Variants in DLG2 observed in about 807,000 individuals in gnomAD.
The protein encoded by DLG2 is discs large MAGUK scaffold protein 2.
A neutral mutation model predicts 132.5 loss-of-function variants in DLG2; 45 were observed. That is an observed-to-expected ratio of 0.34 (90% CI 0.27 to 0.44). DLG2 has a LOEUF of 0.44. DLG2 is among the 20% of genes least tolerant of loss of function. The pLI is 1.00. For synonymous variants in DLG2, 424 were observed against 419.6 expected, an observed-to-expected ratio of 1.01 and a Z score of -0.13; for missense variants, 1,045 against 1,196.9, an observed-to-expected ratio of 0.87 and a Z score of 1.87.
At chr11:84,126,865 G>A (rs1401372760) in intron 9 of DLG2, among the ~76,000 whole-genome samples, 1 of 152,090 alleles carries the variant, frequency 6.6e-6, no homozygotes, top group African/African-American at 2.4e-5. Flanking sequence ...GTTAACTTTT[G>A]TATTTACAAT....
At position 85,466,013 on chromosome 11, in the gene DLG2, T is replaced by C. The variant is rs868582832; in HGVS notation, c.40+132644A>G. On this transcript the variant is annotated intron_variant, in intron 3 of 27. Coordinates refer to ENST00000376104, the MANE Select transcript of DLG2 (RefSeq NM_001142699.3). ...GATTGCCATTCTAACTGGCGTGAGA[T>C]GGTATCTCATTGTGGTTTTGATTTG... Among the ~76,000 whole-genome samples the C allele has an allele frequency of 2.0e-5, 3 of 152,168 alleles. No homozygotes were observed. The South Asian group carries it at 6.2e-4, about 32-fold the overall frequency.
chr11:84,122,533 C>G (rs2093977552), intron 9 of DLG2, among the ~76,000 whole-genome samples: 1 of 152,058 alleles, frequency 6.6e-6, no homozygotes. Context: ...TCTCAATCTA[C>G]TGCACACCAG....
intron 6 of DLG2, among the ~76,000 whole-genome samples, chr11:85,054,839 A>G (rs1388405748): frequency 2.0e-5 from 3 of 152,160 alleles, no homozygotes; most frequent in African/African-American, 4.8e-5. Context: ...AAAAATGCCA[A>G]TAATAGACAC....
intron 7 of DLG2, among the ~76,000 whole-genome samples, chr11:84,501,778 T>G (rs1218169303): frequency 6.6e-6 from 1 of 152,178 alleles, no homozygotes; most frequent in Admixed American, 6.5e-5. Flanking sequence ...TTATCTTCAA[T>G]GGTATGATAT....
chr11:84,899,163 C>T (rs534469573), intron 6 of DLG2, among the ~76,000 whole-genome samples: 1 of 152,096 alleles, frequency 6.6e-6, no homozygotes, highest in East Asian at 1.9e-4. Flanking sequence ...GAGAAAACAT[C>T]AAAACCTATG....
chr11:85,529,730 G>T (rs1374074517), intron 3 of DLG2, among the ~76,000 whole-genome samples: 2 of 152,002 alleles, frequency 1.3e-5, no homozygotes, highest in East Asian at 1.9e-4. Context: ...CCATGCCTTT[G>T]ATTATTGTAC....
chr11:85,024,993 T>C (rs2060395153), intron 6 of DLG2, among the ~76,000 whole-genome samples: 2 of 152,216 alleles, frequency 1.3e-5, no homozygotes, highest in African/African-American at 2.4e-5. Context: ...GCTCTATTAA[T>C]TTATTATTTT....
intron 6 of DLG2, among the ~76,000 whole-genome samples, chr11:85,066,401 G>C (rs1192886014): frequency 6.6e-6 from 1 of 151,554 alleles, no homozygotes; most frequent in African/African-American, 2.4e-5. Context: ...TATTGAAATT[G>C]TTCCAAAAAT....
intron 7 of DLG2, among the ~76,000 whole-genome samples, chr11:84,289,458 TAC>T (rs1363256544): frequency 6.6e-6 from 1 of 152,040 alleles, no homozygotes; most frequent in Non-Finnish European, 1.5e-5. Flanking sequence ...CCTTTTGAAA[TAC>T]AGAGAGAAAA....
At chr11:84,902,578 C>T (rs1343350513) in intron 6 of DLG2, among the ~76,000 whole-genome samples, 1 of 152,156 alleles carries the variant, frequency 6.6e-6, no homozygotes, top group Admixed American at 6.5e-5. Context: ...AGCTATTCTC[C>T]TTTCACTTTT....
rs527357316 is a variant in DLG2 at position 84,173,949 on chromosome 11, C to T, written c.574-10438G>A. Among the ~76,000 whole-genome samples, 4 of 144,132 alleles carry T rather than the reference C, an allele frequency of 2.8e-5. No individual in the cohort carries two copies. In the East Asian group the frequency reaches 6.6e-4, roughly 24 times the overall value. 94.6% of individuals were successfully genotyped at this position (144,132 alleles called of 152,430 possible). A position where few individuals can be genotyped will look rare whatever the true frequency, so the allele number is the denominator to read the frequency against. On this transcript the variant is annotated intron_variant, in intron 8 of 27. Coordinates refer to ENST00000376104, the MANE Select transcript of DLG2 (RefSeq NM_001142699.3). The stretch of plus-strand genomic sequence containing the variant: ...TTATTTTACTCCTGCCAGATATGAA[C>T]ATTTGCCAAGCTCTGTCCTTTGTTG...
intron 3 of DLG2, among the ~76,000 whole-genome samples, chr11:85,492,478 T>C (rs537169282): frequency 8.5e-5 from 13 of 152,306 alleles, no homozygotes; most frequent in African/African-American, 2.9e-4. Flanking sequence ...TCAAATCAGA[T>C]AGTCATGACT....
chr11:85,481,028 T>A (rs1293144375), intron 3 of DLG2, among the ~76,000 whole-genome samples: 1 of 152,240 alleles, frequency 6.6e-6, no homozygotes, highest in Non-Finnish European at 1.5e-5. Flanking sequence ...TTATTCAACT[T>A]ATCTCAGCCT....
intron 4 of DLG2, among the ~76,000 whole-genome samples, chr11:85,200,102 T>C (rs77509091): frequency 0.034 from 5,236 of 151,926 alleles, 104 homozygotes; most frequent in African/African-American, 0.054. Flanking sequence ...AGATAGGAGG[T>C]TGTAAACCCC....
chr11:84,311,997 C>T (rs970041304), intron 7 of DLG2, among the ~76,000 whole-genome samples: 1 of 152,218 alleles, frequency 6.6e-6, no homozygotes, highest in Non-Finnish European at 1.5e-5. Flanking sequence ...CATTTCTCTT[C>T]TCTTCCCAAT....
intron 6 of DLG2, among the ~76,000 whole-genome samples, chr11:84,860,407 T>C (rs2083448403): frequency 6.6e-6 from 1 of 152,152 alleles, no homozygotes; most frequent in Non-Finnish European, 1.5e-5. Context: ...AAAGTAATTT[T>C]CTGACAATGA....
intron 7 of DLG2, among the ~76,000 whole-genome samples, chr11:84,311,510 C>A (rs746254489): frequency 2.6e-5 from 4 of 152,176 alleles, no homozygotes; most frequent in Non-Finnish European, 5.9e-5. Flanking sequence ...GATTGTCTGG[C>A]TTTTAAGCAT....
At chr11:84,194,555 A>G (rs1456736292) in intron 8 of DLG2, among the ~76,000 whole-genome samples, 1 of 152,178 alleles carries the variant, frequency 6.6e-6, no homozygotes, top group East Asian at 1.9e-4. Context: ...GCCCACCCAC[A>G]TCCTGCTGAT....
At chr11:85,609,215 C>T (rs555200340) in intron 2 of DLG2, among the ~76,000 whole-genome samples, 1 of 152,246 alleles carries the variant, frequency 6.6e-6, no homozygotes, top group South Asian at 2.1e-4. Context: ...AAATATACTC[C>T]CCTGTCACCC....
Sources: gnomAD v4.1 joint callset for allele counts (sites outside exome capture counted in the v4.1 genomes callset) on GRCh38, gnomAD v4.1.1 for gene constraint, MANE v1.5 for transcripts, NCBI Gene and HGNC (gene_info 2026-07-23, HGNC 2026-07-21) for gene names.